Variants in BCAS3 observed in about 807,000 individuals in gnomAD.
BCAS3 encodes BCAS4/BCAS3 fusion.
A neutral mutation model predicts 116.1 loss-of-function variants in BCAS3; 53 were observed. The ratio of observed to expected loss-of-function variants is 0.46; its 90% CI spans 0.37 to 0.57. BCAS3 has a LOEUF of 0.57. Ranked by LOEUF, BCAS3 falls within the 20% of genes least tolerant of loss-of-function variation. The pLI, the probability that BCAS3 is intolerant of heterozygous loss-of-function variation, is 0.00. For synonymous variants in BCAS3, 391 were observed against 408.2 expected (o/e 0.96, Z 0.51); for missense variants, 917 against 1,165.4 (o/e 0.79, Z 3.10).
At position 61,347,557 on chromosome 17, in the gene BCAS3, A is replaced by G. The variant is rs1220041296; in HGVS notation, c.2426-20770A>G. On this transcript the variant is annotated intron_variant, in intron 22 of 23. Coordinates refer to ENST00000407086, the MANE Select transcript of BCAS3 (RefSeq NM_017679.5). This position sits in a 1 kb window ranked among gnomAD's most constrained non-coding sequence, Gnocchi z 4.3. ...AATGAAAAGCCAGATGCTGCCCAGC[A>G]GGAACTTACAGTCTAGTGGGAAGAA... Among the ~76,000 whole-genome samples the G allele has an allele frequency of 6.6e-6, 1 of 152,246 alleles. No individual in the cohort carries two copies. Among genetic ancestry groups the G allele is most frequent in the Non-Finnish European group, 1.5e-5 (1 of 68,038 alleles).
chr17:61,008,612 T>C lies in BCAS3; in HGVS notation c.1487-7139T>C, dbSNP rs767362122. On this transcript the variant is annotated intron_variant, in intron 15 of 23. Transcript: ENST00000407086. The surrounding 1 kb of genome is among the most constrained non-coding windows in gnomAD (Gnocchi z 4.6). Reference sequence around the variant, plus strand: ...AACTCCTTGGTATATTTTAGATTTTTATCCCTGTCAATTCCACAGCAAGAT... The same window carrying C: ...AACTCCTTGGTATATTTTAGATTTTCATCCCTGTCAATTCCACAGCAAGAT... 6.6e-6 allele frequency among the ~76,000 whole-genome samples: 1 copy of C among 151,944 alleles called. No homozygotes were observed. The highest frequency in any genetic ancestry group is 1.5e-5 in the Non-Finnish European group (1 of 67,950).
At chr17:60,742,534 G>C (rs1407977673) in intron 5 of BCAS3, among the ~76,000 whole-genome samples, 1 of 147,014 alleles carries the variant, frequency 6.8e-6, no homozygotes, top group Non-Finnish European at 1.5e-5. Flanking sequence ...CTGGGTTCAA[G>C]CAATCTTCCC....
chr17:60,925,436 A>G (rs1238861294), intron 13 of BCAS3, among the ~76,000 whole-genome samples: 1 of 152,230 alleles, frequency 6.6e-6, no homozygotes. Flanking sequence ...TGAGTAAAGT[A>G]ATGACTATCA....
intron 14 of BCAS3, among the ~76,000 whole-genome samples, chr17:60,980,009 A>G (rs1043895748): frequency 3.3e-5 from 5 of 152,120 alleles, no homozygotes; most frequent in South Asian, 2.1e-4. Context: ...TGCTGGCCTC[A>G]TAAAATGAGT....
intron 22 of BCAS3, among the ~76,000 whole-genome samples, chr17:61,237,271 CGCTCTGTAAAGCACACCAATCAGT>C (rs1394346905): frequency 6.6e-6 from 1 of 152,116 alleles, no homozygotes; most frequent in Non-Finnish European, 1.5e-5. Context: ...CACCAATCAG[CGCTCTGTAAAGCACACCAATCAGT>C]GCTCTGTAAA....
At chr17:61,175,175 G>A (rs2079063883) in intron 22 of BCAS3, among the ~76,000 whole-genome samples, 1 of 152,160 alleles carries the variant, frequency 6.6e-6, no homozygotes, top group Admixed American at 6.5e-5. Flanking sequence ...CGGAGGCCAA[G>A]GCAGGAAGAT....
intron 7 of BCAS3, among the ~76,000 whole-genome samples, chr17:60,828,841 A>T (rs933382901): frequency 1.3e-5 from 2 of 152,166 alleles, no homozygotes; most frequent in Non-Finnish European, 2.9e-5. Flanking sequence ...TCGTTTCTTA[A>T]CTGAGGGAAA....
At chr17:60,766,204 A>G (rs929763534) in intron 6 of BCAS3, among the ~76,000 whole-genome samples, 2 of 152,184 alleles carry the variant, frequency 1.3e-5, no homozygotes, top group Admixed American at 6.5e-5. Flanking sequence ...CATCAAAGTC[A>G]TTCTCTGTCC....
chr17:60,774,837 A>G (rs978298872), intron 6 of BCAS3, among the ~76,000 whole-genome samples: 1 of 152,316 alleles, frequency 6.6e-6, no homozygotes, highest in South Asian at 2.1e-4. Context: ...GCTCACATCA[A>G]TTGTTTCCCT....
At chr17:60,898,328 T>G (rs1188598823) in intron 10 of BCAS3, among the ~76,000 whole-genome samples, 1 of 152,226 alleles carries the variant, frequency 6.6e-6, no homozygotes, top group East Asian at 1.9e-4. Context: ...AACAGTTACT[T>G]CTTCATATTT....
In BCAS3 at chr17:61,224,530, A is replaced by G. The variant is rs1371613985; in HGVS notation, c.2425+139966A>G. On this transcript the variant is annotated intron_variant, in intron 22 of 23. Transcript: ENST00000407086. The surrounding 1 kb of genome is among the most constrained non-coding windows in gnomAD (Gnocchi z 5.7). ...ACAGTGTGGCAAGGACAGCAAAAGG[A>G]GATCCAGTCTGAGAAATAAGACTAT... 6.6e-6 allele frequency among the ~76,000 whole-genome samples: 1 copy of G among 152,222 alleles called. No homozygotes were observed. Among genetic ancestry groups the G allele is most frequent in the Non-Finnish European group, 1.5e-5 (1 of 68,036 alleles).
rs1357725422 is a variant in BCAS3 at position 61,279,656 on chromosome 17, C to A, written c.2426-88671C>A. 1.3e-5 allele frequency among the ~76,000 whole-genome samples: 2 copies of A among 152,054 alleles called. No individual in the cohort carries two copies. The highest frequency in any genetic ancestry group is 2.9e-5 in the Non-Finnish European group (2 of 68,028). On this transcript the variant is annotated intron_variant, in intron 22 of 23. Coordinates refer to ENST00000407086, the MANE Select transcript of BCAS3 (RefSeq NM_017679.5). This position sits in a 1 kb window ranked among gnomAD's most constrained non-coding sequence, Gnocchi z 4.4. ...GCATATATTACATTCAGTCTTAATCCCTTGGAGGACACAGAGTTGTTCAGT... is the reference window on the plus strand; with the variant it reads ...GCATATATTACATTCAGTCTTAATCACTTGGAGGACACAGAGTTGTTCAGT...
At chr17:60,763,202 G>A (rs1598532064) in intron 6 of BCAS3, among the ~76,000 whole-genome samples, 2 of 152,144 alleles carry the variant, frequency 1.3e-5, no homozygotes, top group Admixed American at 1.3e-4. Context: ...TCTCTTGCCT[G>A]ATTGCCCTGG....
chr17:61,167,223 C>A (rs1249767211), intron 22 of BCAS3, among the ~76,000 whole-genome samples: 2 of 152,092 alleles, frequency 1.3e-5, no homozygotes, highest in African/African-American at 4.8e-5. Flanking sequence ...TGAAGAAATA[C>A]CACAAGGCAC....
chr17:61,325,705 C>T lies in BCAS3; in HGVS notation c.2426-42622C>T, dbSNP rs1046780261. Among the ~76,000 whole-genome samples, 1 of 152,152 alleles carries T rather than the reference C, an allele frequency of 6.6e-6. No homozygotes were observed. The highest frequency in any genetic ancestry group is 2.4e-5 in the African/African-American group (1 of 41,424). The stretch of plus-strand genomic sequence containing the variant: ...CTGGCTGGCTTCCAGGAGTAACAGG[C>T]CTGATGATGACCAGCAGGAGAGAGA... On this transcript the variant is annotated intron_variant, in intron 22 of 23. Coordinates refer to ENST00000407086, the MANE Select transcript of BCAS3 (RefSeq NM_017679.5). The surrounding 1 kb of genome is among the most constrained non-coding windows in gnomAD (Gnocchi z 6.4).
chr17:60,933,759 A>G (rs1389985140), intron 13 of BCAS3, among the ~76,000 whole-genome samples: 2 of 152,224 alleles, frequency 1.3e-5, no homozygotes, highest in Non-Finnish European at 2.9e-5. Context: ...ATAGCTTGAG[A>G]TTTTTAATCT....
At chr17:60,874,140 C>G (rs550596901) in intron 8 of BCAS3, among the ~76,000 whole-genome samples, 1 of 150,354 alleles carries the variant, frequency 6.7e-6, no homozygotes, top group South Asian at 2.1e-4. Context: ...GATCGTAGCT[C>G]CCTGCAGTCT....
Position 61,220,488 on chromosome 17 carries a change from G to A in BCAS3, c.2425+135924G>A, listed in dbSNP as rs893538150. Among the ~76,000 whole-genome samples the A allele has an allele frequency of 3.3e-5, 5 of 152,114 alleles. No individual in the cohort carries two copies. The highest frequency in any genetic ancestry group is 3.2e-3 in the Middle Eastern group (1 of 316). ...GATCTTCAGATTCAACAAAGTAGCC[G>A]AATTCTCAACTAATGACTTAAAACT... On this transcript the variant is annotated intron_variant, in intron 22 of 23. Transcript: ENST00000407086. The surrounding 1 kb of genome is among the most constrained non-coding windows in gnomAD (Gnocchi z 4.5).
chr17:60,973,139 C>T (rs566001578), intron 14 of BCAS3, among the ~76,000 whole-genome samples: 19 of 152,092 alleles, frequency 1.2e-4, no homozygotes, highest in African/African-American at 4.6e-4. Flanking sequence ...CTGGTCTTGG[C>T]TGAATGATGT....
Sources: gnomAD v4.1 joint callset for allele counts (sites outside exome capture counted in the v4.1 genomes callset) on GRCh38, gnomAD v4.1.1 for gene constraint, Gnocchi (gnomAD v3.1) non-coding constraint, MANE v1.5 for transcripts, NCBI Gene and HGNC (gene_info 2026-07-23, HGNC 2026-07-21) for gene names.